The following EPYC variants were observed in gnomAD, a reference collection of about 807,000 sequenced individuals.
The protein encoded by EPYC is dermatan sulfate proteoglycan 3.
In EPYC, 28 loss-of-function variants were observed where a neutral mutation model predicts 30.1. The observed-to-expected ratio is 0.93, with a 90% CI of 0.69 to 1.28. EPYC has a LOEUF of 1.28. Ranked by LOEUF, EPYC falls within the 50% of genes most tolerant of loss-of-function variation. The pLI, the probability that EPYC is intolerant of heterozygous loss-of-function variation, is 0.00. For synonymous variants in EPYC, 144 were observed against 141.4 expected, an observed-to-expected ratio of 1.02 and a Z score of -0.13; for missense variants, 382 against 383.5, an observed-to-expected ratio of 1.00 and a Z score of 0.03.
intron 6 of EPYC, among the ~76,000 whole-genome samples, chr12:90,965,909 A>AT (rs1014134371): frequency 6.6e-6 from 1 of 151,506 alleles, no homozygotes. Context: ...TGTTTTCTTA[A>AT]TTTTTTTTCA....
rs562109894 is a variant in EPYC at position 91,002,471 on chromosome 12, G to A, written c.95C>T (p.Thr32Ile). 1.2e-6 allele frequency: 2 copies of A among 1,613,308 alleles called. No homozygotes were observed. Among genetic ancestry groups the A allele is most frequent in the East Asian group, 4.5e-5 (2 of 44,796 alleles). The change falls in exon 2 of 7, where the codon ACC (threonine) becomes ATC (isoleucine). Residue 32 changes from threonine to isoleucine, a missense_variant. Physicochemically the swap from Thr to Ile is moderately conservative, Grantham distance 89 (BLOSUM62 -1). Coordinates refer to ENST00000261172, the MANE Select transcript of EPYC (RefSeq NM_004950.5). ...TLESINYDSETYDATLEDLDN... is the reference protein window; with the variant it reads ...TLESINYDSEIYDATLEDLDN... ...CAGGTCTTCTAAGGTGGCATCATAG[G>A]TTTCTGAGTCATAGTTGATGGACTC... is the stretch of plus-strand genomic sequence containing the variant.
intron 5 of EPYC, among the ~76,000 whole-genome samples, chr12:90,970,523 G>A (rs992582105): frequency 2.4e-4 from 37 of 152,084 alleles, no homozygotes; most frequent in African/African-American, 8.9e-4. Flanking sequence ...TATTTTATAG[G>A]CATGGAAACA....
intron 3 of EPYC, among the ~76,000 whole-genome samples, chr12:90,977,715 C>G (rs117938199): frequency 6.9e-4 from 105 of 152,140 alleles, no homozygotes; most frequent in Non-Finnish European, 1.2e-3. Context: ...TTACTATTAC[C>G]ATCATCTTCA....
chr12:90,980,737 G>A (rs970841424), intron 2 of EPYC, among the ~76,000 whole-genome samples: 2 of 152,156 alleles, frequency 1.3e-5, no homozygotes, highest in African/African-American at 4.8e-5. Context: ...ATACTTGAAT[G>A]TAAACATAAT....
Position 90,980,546 on chromosome 12 carries a change from G to A in EPYC, c.166-2284C>T, listed in dbSNP as rs576068943. 6.6e-5 allele frequency among the ~76,000 whole-genome samples: 10 copies of A among 151,988 alleles called. No individual in the cohort carries two copies. The South Asian group carries it at 1.0e-3, about 16-fold the overall frequency. On this transcript the variant is annotated intron_variant, in intron 2 of 6. Coordinates refer to ENST00000261172, the MANE Select transcript of EPYC (RefSeq NM_004950.5). The stretch of plus-strand genomic sequence containing the variant: ...TTTTTTCCCCTCTTCAACCATCTTC[G>A]TACTGTGATATGAAGTTATGAGGCA...
In EPYC at chr12:90,972,953, C is replaced by A; in HGVS notation, c.368G>T (p.Cys123Phe). 1 of 1,600,346 alleles carries A rather than the reference C, an allele frequency of 6.2e-7. No individual in the cohort carries two copies. Among genetic ancestry groups the A allele is most frequent in the Non-Finnish European group, 8.5e-7 (1 of 1,171,970 alleles). The change falls in exon 4 of 7, where the codon TGT (cysteine) becomes TTT (phenylalanine). Residue 123 changes from cysteine (C) to phenylalanine (F), a missense_variant. By Grantham distance (205) the Cys-to-Phe change is radical. Coordinates refer to ENST00000261172, the MANE Select transcript of EPYC (RefSeq NM_004950.5). ...ATCACAGTACACGGTGGTACTTATA[C>A]AAGTACACAAAAGACAGGTTGGAAA... ...EDFPTCLLCT[C>F]ISTTVYCDDH... is the part of the protein sequence containing the mutation.
intron 6 of EPYC, among the ~76,000 whole-genome samples, chr12:90,968,421 T>C (rs1876953635): frequency 6.6e-6 from 1 of 152,216 alleles, no homozygotes; most frequent in African/African-American, 2.4e-5. Flanking sequence ...GCCCAAGGCA[T>C]ATGCTTTTGC....
intron 2 of EPYC, among the ~76,000 whole-genome samples, chr12:90,984,204 A>C (rs1877393530): frequency 6.6e-6 from 1 of 152,018 alleles, no homozygotes; most frequent in South Asian, 2.1e-4. Context: ...AGGACCACTA[A>C]ATCTGACCTT....
At chr12:90,991,058 C>T (rs769700877) in intron 2 of EPYC, among the ~76,000 whole-genome samples, 15 of 151,960 alleles carry the variant, frequency 9.9e-5, no homozygotes, top group South Asian at 2.1e-4. Flanking sequence ...AGAGAGAACA[C>T]GCTGAAAAAA....
intron 2 of EPYC, among the ~76,000 whole-genome samples, chr12:90,991,654 T>G (rs1275120200): frequency 1.3e-5 from 2 of 152,190 alleles, no homozygotes; most frequent in Non-Finnish European, 2.9e-5. Flanking sequence ...AGAAGCATAT[T>G]AATTTTTTAA....
intron 6 of EPYC, among the ~76,000 whole-genome samples, chr12:90,966,175 C>T (rs530810550): frequency 1.3e-5 from 2 of 152,092 alleles, no homozygotes; most frequent in Non-Finnish European, 2.9e-5. Context: ...AGGCTCAATA[C>T]TGAATAGAAG....
rs1399986263 is a variant in EPYC, at chr12:90,972,124, A to G, written c.500-122T>C. ...GCAATGCACAGTTAATGAGATGATT[A>G]TCTTTCTTTTTATAAAAAATTATTT... On this transcript the variant is annotated intron_variant, in intron 4 of 6. Coordinates refer to ENST00000261172, the MANE Select transcript of EPYC (RefSeq NM_004950.5). 3.0e-5 allele frequency: 17 copies of G among 574,426 alleles called. 1 individual carries two copies. In the East Asian group the frequency reaches 5.1e-4, roughly 17 times the overall value. The allele number at this position is 574,426 out of a possible 1,614,324, so 35.6% of individuals were successfully genotyped here.
At chr12:90,998,440 C>T (rs11105908) in intron 2 of EPYC, among the ~76,000 whole-genome samples, 10,311 of 152,070 alleles carry the variant, frequency 0.068, 579 homozygotes, top group African/African-American at 0.16. Context: ...TGAGAAATCA[C>T]ACAAATAATC....
At chr12:90,990,093 G>A (rs1434391981) in intron 2 of EPYC, among the ~76,000 whole-genome samples, 1 of 152,014 alleles carries the variant, frequency 6.6e-6, no homozygotes, top group Non-Finnish European at 1.5e-5. Flanking sequence ...GTCAGTCACA[G>A]TAATTGAAAA....
chr12:90,982,917 C>A (rs184971103), intron 2 of EPYC, among the ~76,000 whole-genome samples: 22 of 152,200 alleles, frequency 1.4e-4, no homozygotes, highest in African/African-American at 4.8e-4. Context: ...GATTCTTTGT[C>A]TTGGCCTTTG....
At chr12:90,976,232 A>G (rs1261915629) in intron 3 of EPYC, among the ~76,000 whole-genome samples, 2 of 152,138 alleles carry the variant, frequency 1.3e-5, no homozygotes, top group African/African-American at 2.4e-5. Flanking sequence ...AGGATGAACA[A>G]GTTCTAGAGG....
At position 90,974,072 on chromosome 12, in the gene EPYC, A is replaced by ACACCCC. The variant is rs71094701; in HGVS notation, c.341-1093_341-1092insGGGGTG. 9.7e-5 allele frequency among the ~76,000 whole-genome samples: 14 copies of ACACCCC among 144,114 alleles called. 1 individual carries two copies. The highest frequency in any genetic ancestry group is 2.8e-4 in the Admixed American group (4 of 14,288). The allele number at this position is 144,114 out of a possible 152,430, so 94.5% of individuals were successfully genotyped here. A position where few individuals can be genotyped will look rare whatever the true frequency, so the allele number is the denominator to read the frequency against. ...CACACACACACACACACACACACAC[A>ACACCCC]CCCCTACCTCTCCACCCCTTCTTCA... is the stretch of plus-strand genomic sequence containing the variant. On this transcript the variant is annotated intron_variant, in intron 3 of 6. Transcript: ENST00000261172.
At chr12:90,982,375 T>C (rs1877343541) in intron 2 of EPYC, among the ~76,000 whole-genome samples, 1 of 152,074 alleles carries the variant, frequency 6.6e-6, no homozygotes, top group African/African-American at 2.4e-5. Flanking sequence ...TACGCAACTA[T>C]CACCCAATTT....
At chr12:90,974,038 T>TCTCACACACA (rs1555214972) in intron 3 of EPYC, among the ~76,000 whole-genome samples, 5 of 140,366 alleles carry the variant, frequency 3.6e-5, no homozygotes, top group Non-Finnish European at 7.7e-5. Flanking sequence ...TTACACACAC[T>TCTCACACACA]CACACACACA....
Sources: gnomAD v4.1 joint callset for allele counts (sites outside exome capture counted in the v4.1 genomes callset) on GRCh38, gnomAD v4.1.1 for gene constraint, MANE v1.5 for transcripts, NCBI Gene and HGNC (gene_info 2026-07-23, HGNC 2026-07-21) for gene names.